Variants in LSP1 observed in about 807,000 individuals in gnomAD.
LSP1 encodes lymphocyte-specific protein 1.
LSP1 carries 32 observed loss-of-function variants against 49.3 expected under a neutral mutation model. The ratio of observed to expected loss-of-function variants is 0.65; its 90% confidence interval spans 0.49 to 0.87. LSP1 has a LOEUF of 0.87. LSP1 is among the 40% of genes least tolerant of loss of function. The probability of loss-of-function intolerance (pLI) is 0.00; values close to 1 mark genes in which losing one functional copy is unlikely to be tolerated. For synonymous variants in LSP1, 179 were observed against 178.8 expected (o/e 1.00, Z -0.01); for missense variants, 428 against 442.6 (o/e 0.97, Z 0.30).
chr11:1,883,663 G>C (rs1848641342), intron 4 of LSP1, 103 bp downstream of exon 4: 2 of 1,429,078 alleles, frequency 1.4e-6, no homozygotes, highest in Non-Finnish European at 1.9e-6. Flanking sequence ...CTAGCCCAGA[G>C]TGGGTCAGCA....
At position 1,881,513 on chromosome 11, in the gene LSP1, G is replaced by T. The variant is rs1366568292; in HGVS notation, c.273G>T (p.Arg91=). 1 of 1,566,014 alleles carries T rather than the reference G, an allele frequency of 6.4e-7. No individual in the cohort carries two copies. Among genetic ancestry groups the T allele is most frequent in the African/African-American group, 1.3e-5 (1 of 74,194 alleles). ...FGDWSQRPEQ[R]QQHEGAQGAL... ...ACTGGTCCCAGAGGCCAGAGCAGCG[G>T]CAGCAGCACGAGGGGGCGCAGGGCG... Residue 91 remains arginine (R), a synonymous_variant, in exon 3 of 11, where the codon CGG becomes CGT. Coordinates refer to ENST00000311604, the MANE Select transcript of LSP1 (RefSeq NM_002339.3).
At position 1,880,190 on chromosome 11, in the gene LSP1, G is replaced by A. The variant is rs774187451; in HGVS notation, c.157G>A (p.Gly53Ser). ...TCAGGCCCAGGACGAGGAGGGAGGC[G>A]GCCATGTCCCCGAGCGGCCGAAGCA... ...QLQAQDEEGG[G>S]HVPERPKQEM... is the part of the protein sequence containing the mutation. Residue 53 changes from glycine (G) to serine (S), a missense_variant, in exon 2 of 11, where the codon GGC (glycine) becomes AGC (serine). By Grantham distance (56) the Gly-to-Ser change is moderately conservative. Coordinates refer to ENST00000311604, the MANE Select transcript of LSP1 (RefSeq NM_002339.3). 3.1e-6 allele frequency: 5 copies of A among 1,602,148 alleles called. No homozygotes were observed. The highest frequency in any genetic ancestry group is 1.1e-5 in the South Asian group (1 of 90,072).
chr11:1,853,941 G>A (rs1002142575), intron 1 of LSP1, among the ~76,000 whole-genome samples: 4 of 152,212 alleles, frequency 2.6e-5, no homozygotes, highest in Non-Finnish European at 5.9e-5. Flanking sequence ...GCTGGGGTGG[G>A]TGGAGAGGGC....
chr11:1,886,714 G>A lies in LSP1; in HGVS notation c.718-18G>A. 4 of 1,597,740 alleles carry A rather than the reference G, an allele frequency of 2.5e-6. No individual in the cohort carries two copies. In the East Asian group the frequency reaches 6.7e-5, roughly 27 times the overall value. On this transcript the variant is annotated intron_variant, in intron 7 of 10. Coordinates refer to ENST00000311604, the MANE Select transcript of LSP1 (RefSeq NM_002339.3). ...GGCTGTCCACTAAGGTAATCCTGAT[G>A]CTTTTCCTCCTCTGCAGACCGCTGG... is the stretch of plus-strand genomic sequence containing the variant.
rs1415648331 is a variant in LSP1 at position 1,884,493 on chromosome 11, C to T, written c.636-7C>T. ...ACATGGGGCCTGACACATCTTCTAC[C>T]CTCCAGTAACAGTGTGAAGAAATCC... On this transcript the variant is annotated splice_polypyrimidine_tract_variant and splice_region_variant and intron_variant, in intron 6 of 10. Transcript: ENST00000311604. This position sits in a 1 kb window ranked among gnomAD's most constrained non-coding sequence, Gnocchi z 4.1. The T allele has an allele frequency of 1.9e-6, 3 of 1,612,878 alleles. No homozygotes were observed. The highest frequency in any genetic ancestry group is 1.3e-5 in the African/African-American group (1 of 74,776).
At chr11:1,890,638 G>A in intron 10 of LSP1, 1 of 671,858 alleles carries the variant, frequency 1.5e-6, no homozygotes, top group East Asian at 2.7e-5. Context: ...CCTCCCTCCT[G>A]AGGTGGGAGG....
intron 7 of LSP1, among the ~76,000 whole-genome samples, chr11:1,885,743 C>G (rs903816864): frequency 6.6e-6 from 1 of 151,674 alleles, no homozygotes. Flanking sequence ...ACTCACTTAT[C>G]CAACAAGCAC....
chr11:1,864,346 G>A, intron 1 of LSP1: 1 of 693,992 alleles, frequency 1.4e-6, no homozygotes, highest in Non-Finnish European at 1.8e-6. Context: ...CTCCGAGGTG[G>A]GAGGCGGCGA....
chr11:1,860,645 T>C (rs1158913411), intron 1 of LSP1, among the ~76,000 whole-genome samples: 1 of 152,248 alleles, frequency 6.6e-6, no homozygotes, highest in East Asian at 1.9e-4. Flanking sequence ...ATGAATCTAC[T>C]GGAATGGGTG....
intron 9 of LSP1, 50 bp from the exon 10 acceptor site, chr11:1,887,424 A>G (rs1053430872): frequency 4.2e-5 from 66 of 1,588,832 alleles, no homozygotes; most frequent in Non-Finnish European, 5.5e-5. Context: ...AGGCAGCATC[A>G]TCTCCTTTCT....
intron 10 of LSP1, chr11:1,890,697 G>C (rs1005465573): frequency 1.6e-6 from 1 of 614,712 alleles, no homozygotes. Flanking sequence ...GGGTGTGGAG[G>C]CCTGAGTATT....
At position 1,886,714 on chromosome 11, in the gene LSP1, G is replaced by T; in HGVS notation, c.718-18G>T. On this transcript the variant is annotated intron_variant, in intron 7 of 10. Coordinates refer to ENST00000311604, the MANE Select transcript of LSP1 (RefSeq NM_002339.3). ...GGCTGTCCACTAAGGTAATCCTGAT[G>T]CTTTTCCTCCTCTGCAGACCGCTGG... The T allele has an allele frequency of 6.3e-7, 1 of 1,597,740 alleles. No individual in the cohort carries two copies. The highest frequency in any genetic ancestry group is 2.2e-5 in the East Asian group (1 of 44,456).
At chr11:1,872,753 G>A (rs894477015) in intron 1 of LSP1, among the ~76,000 whole-genome samples, 9 of 151,508 alleles carry the variant, frequency 5.9e-5, no homozygotes, top group Non-Finnish European at 1.2e-4. Context: ...TCCGGCTGGC[G>A]TGGGCACCTT....
intron 10 of LSP1, chr11:1,890,568 G>A (rs746070051): frequency 7.6e-5 from 54 of 709,706 alleles, no homozygotes; most frequent in East Asian, 3.8e-4. Flanking sequence ...TGCCATCGAC[G>A]CAGCCGATAT....
At chr11:1,870,991 T>G in intron 1 of LSP1, 1 of 985,614 alleles carries the variant, frequency 1.0e-6, no homozygotes, top group Non-Finnish European at 1.2e-6. Context: ...TCAGGGCTCC[T>G]TGGTCCCCTC....
At chr11:1,888,865 C>G (rs1848863818) in intron 10 of LSP1, 1 of 383,354 alleles carries the variant, frequency 2.6e-6, no homozygotes, top group Non-Finnish European at 4.7e-6. Flanking sequence ...CATCCCAAGG[C>G]CCCCATCCTA....
At chr11:1,890,140 T>C (rs1201085618) in intron 10 of LSP1, 2 of 717,028 alleles carry the variant, frequency 2.8e-6, no homozygotes, top group Non-Finnish European at 5.2e-6. Flanking sequence ...TGGGGCCCCA[T>C]GGCCCTGAAT....
intron 2 of LSP1, chr11:1,880,902 G>A (rs1231146548): frequency 6.4e-6 from 1 of 155,432 alleles, no homozygotes; most frequent in African/African-American, 2.4e-5. Context: ...CCTGCCCTAG[G>A]GAGCCCCAGA....
chr11:1,889,250 C>T (rs1324734202), intron 10 of LSP1: 1 of 676,678 alleles, frequency 1.5e-6, no homozygotes. Context: ...CCTCCTGCAG[C>T]TTCCGGGCGT....
Sources: allele counts gnomAD v4.1 joint callset (sites outside exome capture counted in the v4.1 genomes callset), GRCh38; gene constraint gnomAD v4.1.1; non-coding constraint Gnocchi (gnomAD v3.1); transcripts MANE v1.5; gene names NCBI Gene and HGNC (gene_info 2026-07-23, HGNC 2026-07-21).